Variants in STAG3 observed in about 807,000 individuals in gnomAD.
The protein encoded by STAG3 is STAG3 cohesin complex component, also known as cohesin subunit SA-3.
A neutral mutation model predicts 160.7 loss-of-function variants in STAG3; 101 were observed. That is an observed-to-expected ratio of 0.63 (90% CI 0.54 to 0.74). The LOEUF (loss-of-function observed/expected upper bound fraction) is 0.74. Ranked by LOEUF, STAG3 falls within the 30% of genes least tolerant of loss-of-function variation. The pLI is 0.00. For missense variants in STAG3, 1,188 were observed against 1,517.4 expected (o/e 0.78, Z 3.61); for synonymous variants, 519 against 585.0 (o/e 0.89, Z 1.63).
chr7:100,186,912 T>C (rs1211964792), intron 5 of STAG3, among the ~76,000 whole-genome samples: 3 of 152,232 alleles, frequency 2.0e-5, no homozygotes, highest in Non-Finnish European at 4.4e-5. Context: ...CCTCTGTAGC[T>C]GTGGTACCCC....
chr7:100,218,377 T>C (rs1278944930), downstream of STAG3: 1 of 186,340 alleles, frequency 5.4e-6, no homozygotes, highest in African/African-American at 2.4e-5. Flanking sequence ...TCTTATTCTA[T>C]GTATTTTCTT....
intron 9 of STAG3, 105 bp downstream of exon 9, chr7:100,195,487 C>A: frequency 9.1e-7 from 1 of 1,097,384 alleles, no homozygotes; most frequent in Non-Finnish European, 1.3e-6. Flanking sequence ...TTTGGTTAGT[C>A]CCAGAATTAA....
chr7:100,204,164 C>G (rs758949335), intron 26 of STAG3, 42 bp downstream of exon 26: 1 of 1,512,560 alleles, frequency 6.6e-7, no homozygotes, highest in Non-Finnish European at 9.2e-7. Context: ...CCTGTTGTCC[C>G]CAAGTCTCTG....
At chr7:100,209,438 T>C (rs1314201732) in intron 29 of STAG3, among the ~76,000 whole-genome samples, 1 of 152,136 alleles carries the variant, frequency 6.6e-6, no homozygotes, top group Non-Finnish European at 1.5e-5. Flanking sequence ...AGAATGCAGA[T>C]TGTAGGACAT....
intron 32 of STAG3, chr7:100,213,514 C>T (rs575474512): frequency 1.0e-6 from 1 of 985,300 alleles, no homozygotes; most frequent in African/African-American, 1.7e-5. Flanking sequence ...TTCTGGTTTC[C>T]AAAACAAAGT....
chr7:100,205,178 C>G, intron 28 of STAG3, 45 bp downstream of exon 28: 1 of 1,613,442 alleles, frequency 6.2e-7, no homozygotes, highest in East Asian at 2.2e-5. Flanking sequence ...GAAGGGCCTG[C>G]TGAGGGCCCA....
intron 12 of STAG3, 110 bp from the exon 13 acceptor site, chr7:100,198,365 T>G: frequency 7.6e-7 from 1 of 1,322,544 alleles, no homozygotes; most frequent in Non-Finnish European, 1.1e-6. Context: ...CATTTAGAAG[T>G]TTTTTGTGAG....
intron 5 of STAG3, among the ~76,000 whole-genome samples, chr7:100,187,613 G>C (rs1043034046): frequency 6.6e-6 from 1 of 152,146 alleles, no homozygotes; most frequent in Admixed American, 6.5e-5. Flanking sequence ...GAGCCCCTTG[G>C]CATTGTGGGC....
upstream of STAG3, chr7:100,177,787 G>C (rs1218361019): frequency 6.6e-6 from 1 of 152,492 alleles, no homozygotes; most frequent in Non-Finnish European, 1.5e-5. Flanking sequence ...GAGGCCACAC[G>C]AGGCTGTGGA....
downstream of STAG3, among the ~76,000 whole-genome samples, chr7:100,215,426 A>C (rs1412308637): frequency 2.0e-5 from 3 of 152,036 alleles, no homozygotes; most frequent in Admixed American, 1.3e-4. Flanking sequence ...TCGGGGAGTC[A>C]GAGCTGGGGT....
Position 100,211,493 on chromosome 7 carries a change from AC to A in STAG3, c.3473del (p.Thr1158IlefsTer14). Reference protein sequence around the residue: ...SRFLGPQYFQTPHNPSGPGLG... With the variant: ...SRFLGPQYFQXPHNPSGPGLG... ...GTTCTTGGGTCCACAATATTTCCAG[AC>A]TCCACACAACCCTTCAGGTCCTGGC... On this transcript the variant is annotated frameshift_variant, in exon 31 of 34. Coordinates refer to ENST00000615138, the MANE Select transcript of STAG3 (RefSeq NM_001282717.2). LOFTEE classifies it high-confidence loss of function. The A allele has an allele frequency of 6.2e-7, 1 of 1,612,094 alleles. No homozygotes were observed. The highest frequency in any genetic ancestry group is 8.5e-7 in the Non-Finnish European group (1 of 1,179,610).
chr7:100,182,707 T>G lies in STAG3; in HGVS notation c.220-16T>G, dbSNP rs767829450. 2 of 1,610,386 alleles carry G rather than the reference T, an allele frequency of 1.2e-6. No homozygotes were observed. The highest frequency in any genetic ancestry group is 2.2e-5 in the South Asian group (2 of 90,214). Reference sequence around the variant, plus strand: ...TTGTTTTTTTTTCATATTTCTGATCTTTTTATACATATTAGGTGGCAAAAC... The same window carrying G: ...TTGTTTTTTTTTCATATTTCTGATCGTTTTATACATATTAGGTGGCAAAAC... On this transcript the variant is annotated splice_polypyrimidine_tract_variant and intron_variant, in intron 3 of 33. Transcript: ENST00000615138.
In STAG3 at chr7:100,214,249, TTC is replaced by T. The variant is rs1172546056; in HGVS notation, c.*236_*237del. On this transcript the variant is annotated 3_prime_UTR_variant, in exon 34 of 34. Coordinates refer to ENST00000615138, the MANE Select transcript of STAG3 (RefSeq NM_001282717.2). ...GCCCAGTCCCCTTGCCTTTTTCCTG[TTC>T]TGTTTGGAGTGGAGAAGGGCAGCAC... The T allele has an allele frequency of 3.4e-6, 2 of 581,616 alleles. No homozygotes were observed. Among genetic ancestry groups the T allele is most frequent in the Non-Finnish European group, 6.1e-6 (2 of 329,430 alleles). 36.0% of individuals were successfully genotyped at this position (581,616 alleles called of 1,614,324 possible).
chr7:100,187,387 G>T (rs1800085833), intron 5 of STAG3, among the ~76,000 whole-genome samples: 1 of 126,302 alleles, frequency 7.9e-6, no homozygotes, highest in Non-Finnish European at 1.7e-5. Flanking sequence ...TTCACTGCTT[G>T]ATTCCTTTTT....
chr7:100,210,127 C>T (rs1802044051), intron 29 of STAG3, among the ~76,000 whole-genome samples: 1 of 152,194 alleles, frequency 6.6e-6, no homozygotes, highest in South Asian at 2.1e-4. Flanking sequence ...GGCATCACAC[C>T]ATTAATAGCT....
chr7:100,204,950 C>A, intron 27 of STAG3, 55 bp from the exon 28 acceptor site: 1 of 1,594,496 alleles, frequency 6.3e-7, no homozygotes, highest in South Asian at 1.2e-5. Context: ...ATAGCTCAGG[C>A]CTGGGAGGGA....
At chr7:100,192,341 A>G (rs1206962322) in intron 8 of STAG3, among the ~76,000 whole-genome samples, 1 of 152,150 alleles carries the variant, frequency 6.6e-6, no homozygotes, top group East Asian at 1.9e-4. Flanking sequence ...CCTGGCCAAC[A>G]TGGCAAAAAC....
intron 7 of STAG3, 122 bp from the exon 8 acceptor site, chr7:100,189,323 G>A: frequency 1.7e-6 from 2 of 1,150,412 alleles, no homozygotes; most frequent in Non-Finnish European, 2.4e-6. Flanking sequence ...TAGGATTTTA[G>A]GGTCATCCTG....
downstream of STAG3, among the ~76,000 whole-genome samples, chr7:100,217,235 C>T (rs2117650377): frequency 6.6e-6 from 1 of 152,302 alleles, no homozygotes; most frequent in East Asian, 1.9e-4. Context: ...TGTGCACGCC[C>T]TCACCCTGAC....
Sources: allele counts gnomAD v4.1 joint callset (sites outside exome capture counted in the v4.1 genomes callset), GRCh38; gene constraint gnomAD v4.1.1; transcripts MANE v1.5; gene names NCBI Gene and HGNC (gene_info 2026-07-23, HGNC 2026-07-21).